The following INO80D variants were observed in gnomAD, a reference collection of about 807,000 sequenced individuals.
The protein encoded by INO80D is INO80 complex subunit D.
A neutral mutation model predicts 87.6 loss-of-function variants in INO80D; 21 were observed. The observed-to-expected ratio is 0.24, with a 90% confidence interval of 0.17 to 0.35. The LOEUF (loss-of-function observed/expected upper bound fraction) is 0.35. Ranked by LOEUF, INO80D falls within the 10% of genes least tolerant of loss-of-function variation. INO80D has a pLI of 1.00. For missense variants in INO80D, 982 were observed against 1,280.7 expected (o/e 0.77, Z 3.56); for synonymous variants, 440 against 491.0 (o/e 0.90, Z 1.37).
intron 1 of INO80D, among the ~76,000 whole-genome samples, chr2:206,080,734 C>G (rs1004761104): frequency 6.6e-6 from 1 of 151,362 alleles, no homozygotes; most frequent in Admixed American, 6.6e-5. Flanking sequence ...GGTGAAACCC[C>G]GTCTCTACTA....
chr2:206,029,184 G>A (rs538467689), intron 5 of INO80D, among the ~76,000 whole-genome samples: 5 of 152,002 alleles, frequency 3.3e-5, no homozygotes, highest in South Asian at 2.1e-4. Flanking sequence ...CACCGAGCCC[G>A]GCCTTCTACC....
In INO80D at chr2:206,077,044, C is replaced by T. The variant is rs575740493; in HGVS notation, c.-124+8857G>A. 2.1e-4 allele frequency among the ~76,000 whole-genome samples: 32 copies of T among 152,142 alleles called. No individual in the cohort carries two copies. The South Asian group carries it at 3.3e-3, about 16-fold the overall frequency. Reference sequence around the variant, plus strand: ...ATCCCAGCACTTTGGGAGGCCAAGGCGGGTGGATCACGAGGTCAGGAGATC... The same window carrying T: ...ATCCCAGCACTTTGGGAGGCCAAGGTGGGTGGATCACGAGGTCAGGAGATC... On this transcript the variant is annotated intron_variant, in intron 1 of 10. Transcript: ENST00000403263.
Position 206,028,315 on chromosome 2 carries a change from T to C in INO80D, c.1094A>G (p.Glu365Gly). The C allele has an allele frequency of 1.2e-6, 2 of 1,600,186 alleles. No homozygotes were observed. The highest frequency in any genetic ancestry group is 1.7e-6 in the Non-Finnish European group (2 of 1,169,152). ...QRHASDDDDA[E>G]SRSSRVTQLC... ...TTGAGTCACCCTGGAGCTCCTACTC[T>C]CCGCATCATCATCATCTGACCTGGA... Residue 365 changes from glutamate to glycine, a missense_variant, in exon 6 of 11, where the codon GAG becomes GGG. Glu to Gly is a moderately conservative substitution (Grantham distance 98). Transcript: ENST00000403263.
intron 5 of INO80D, among the ~76,000 whole-genome samples, chr2:206,031,639 T>C (rs902715546): frequency 6.6e-6 from 1 of 152,126 alleles, no homozygotes; most frequent in African/African-American, 2.4e-5. Context: ...ACTTTACCCC[T>C]AGGACTGGCT....
chr2:206,031,222 CCAGCCTGGGTGA>C, intron 5 of INO80D, among the ~76,000 whole-genome samples: 1 of 151,368 alleles, frequency 6.6e-6, no homozygotes, highest in East Asian at 1.9e-4. Flanking sequence ...CCAGTGCACT[CCAGCCTGGGTGA>C]CAGAGCAAGA....
At chr2:206,056,158 C>CAT in intron 4 of INO80D, 40 bp downstream of exon 4, 5 of 1,515,632 alleles carry the variant, frequency 3.3e-6, no homozygotes, top group Non-Finnish European at 4.4e-6. Flanking sequence ...CACATTTTGT[C>CAT]ATATTATGTG....
intron 5 of INO80D, among the ~76,000 whole-genome samples, chr2:206,042,424 G>C (rs1253093794): frequency 1.3e-5 from 2 of 152,164 alleles, no homozygotes; most frequent in African/African-American, 2.4e-5. Flanking sequence ...GCTCACGCCT[G>C]TAATCCTAGC....
At chr2:206,023,586 G>A (rs991192455) in intron 6 of INO80D, among the ~76,000 whole-genome samples, 3 of 151,636 alleles carry the variant, frequency 2.0e-5, no homozygotes, top group Non-Finnish European at 4.4e-5. Flanking sequence ...GGGAGGCTGA[G>A]GGAGAAGAAT....
intron 5 of INO80D, among the ~76,000 whole-genome samples, chr2:206,042,728 T>C (rs553271387): frequency 1.3e-4 from 20 of 150,602 alleles, no homozygotes; most frequent in Non-Finnish European, 2.4e-4. Flanking sequence ...CTCACGCCTG[T>C]AATCCCAATA....
At chr2:206,039,048 T>A (rs1402370524) in intron 5 of INO80D, among the ~76,000 whole-genome samples, 2 of 152,110 alleles carry the variant, frequency 1.3e-5, no homozygotes, top group Admixed American at 6.5e-5. Flanking sequence ...GACTCATACT[T>A]ACAAAGACCC....
At chr2:206,073,988 C>T (rs1241858971) in intron 1 of INO80D, among the ~76,000 whole-genome samples, 2 of 152,058 alleles carry the variant, frequency 1.3e-5, no homozygotes, top group Non-Finnish European at 2.9e-5. Flanking sequence ...GGATTACAGG[C>T]GTGAACCACC....
intron 5 of INO80D, among the ~76,000 whole-genome samples, chr2:206,031,163 A>G (rs1688755720): frequency 6.6e-6 from 1 of 152,056 alleles, no homozygotes; most frequent in Non-Finnish European, 1.5e-5. Flanking sequence ...CTGAGGCAGG[A>G]GAATCACTTG....
intron 5 of INO80D, among the ~76,000 whole-genome samples, chr2:206,045,193 T>C (rs1210763262): frequency 1.3e-5 from 2 of 152,202 alleles, no homozygotes; most frequent in African/African-American, 4.8e-5. Context: ...TGATGATAAT[T>C]TGCTTCCTGT....
chr2:206,024,750 AT>A (rs1688557260), intron 6 of INO80D, among the ~76,000 whole-genome samples: 1 of 152,116 alleles, frequency 6.6e-6, no homozygotes, highest in Non-Finnish European at 1.5e-5. Context: ...ACTTTGTTTT[AT>A]TTATTTATCT....
At chr2:206,067,627 A>G (rs931782606) in intron 1 of INO80D, among the ~76,000 whole-genome samples, 1 of 152,194 alleles carries the variant, frequency 6.6e-6, no homozygotes, top group Non-Finnish European at 1.5e-5. Flanking sequence ...ATTATAAAAC[A>G]TAAACATTTA....
intron 4 of INO80D, among the ~76,000 whole-genome samples, chr2:206,051,986 G>A (rs1160914332): frequency 6.6e-6 from 1 of 152,126 alleles, no homozygotes; most frequent in Non-Finnish European, 1.5e-5. Flanking sequence ...CAGTTGTAAA[G>A]GAGTTTTATT....
chr2:206,019,604 G>A (rs1013640283), intron 7 of INO80D, 132 bp downstream of exon 7: 4 of 652,302 alleles, frequency 6.1e-6, no homozygotes, highest in Middle Eastern at 3.6e-4. Flanking sequence ...TGAAAATTAT[G>A]TTCGATAAAA....
intron 5 of INO80D, 99 bp downstream of exon 5, chr2:206,046,405 T>G (rs537485221): frequency 1.0e-5 from 8 of 778,554 alleles, no homozygotes; most frequent in Non-Finnish European, 1.7e-5. Context: ...TCAGGCTTGG[T>G]GGCAGTAAGC....
chr2:206,076,678 T>C (rs1008177057), intron 1 of INO80D, among the ~76,000 whole-genome samples: 1 of 152,256 alleles, frequency 6.6e-6, no homozygotes, highest in African/African-American at 2.4e-5. Flanking sequence ...ACTGTACAAG[T>C]AAGTTTGCAT....
Sources: gnomAD v4.1 joint callset for allele counts (sites outside exome capture counted in the v4.1 genomes callset) on GRCh38, gnomAD v4.1.1 for gene constraint, MANE v1.5 for transcripts, NCBI Gene and HGNC (gene_info 2026-07-23, HGNC 2026-07-21) for gene names.